Variants in FUT4 observed in about 807,000 individuals in gnomAD.
The protein encoded by FUT4 is fucosyltransferase 4, also known as alpha-(1,3)-fucosyltransferase 4.
In FUT4, 1 loss-of-function variant was observed where a neutral mutation model predicts 3.8. That is an observed-to-expected ratio of 0.26 (90% CI 0.09 to 1.25). FUT4 has a LOEUF of 1.25. FUT4 is among the 50% of genes most tolerant of loss of function. FUT4 has a pLI of 0.47. For missense variants in FUT4, 880 were observed against 768.2 expected (o/e 1.15, Z -1.72); for synonymous variants, 417 against 355.3 (o/e 1.17, Z -1.95).
Position 94,545,467 on chromosome 11 carries a change from C to T in FUT4, c.1334C>T (p.Ala445Val). 2.5e-6 allele frequency: 4 copies of T among 1,613,436 alleles called. No homozygotes were observed. The highest frequency in any genetic ancestry group is 3.4e-6 in the Non-Finnish European group (4 of 1,179,840). The change falls in exon 1 of 1, where the codon GCC (alanine) becomes GTC (valine). Residue 445 changes from alanine (A) to valine (V), a missense_variant. Around this residue, in one of 3 missense-constraint regions of FUT4, gnomAD observed 424 missense variants for 400.4 expected, o/e 1.06. Transcript: ENST00000358752. Reference sequence around the variant, plus strand: ...CCGGTGGTGCTGGGCCCAGACCGTGCCAACTACGAGCGCTTTGTGCCCCGC... The same window carrying T: ...CCGGTGGTGCTGGGCCCAGACCGTGTCAACTACGAGCGCTTTGTGCCCCGC... ...AVPVVLGPDRANYERFVPRGA... is the reference protein window; with the variant it reads ...AVPVVLGPDRVNYERFVPRGA...
rs1422655789 is a variant in FUT4, at chr11:94,547,673, C to A, written c.*1947C>A. ...ACCGAATAAAGATAAAAGTTCAGTTCTTAAAATGAGTTTTTATGAGATAAC... is the reference window on the plus strand; with the variant it reads ...ACCGAATAAAGATAAAAGTTCAGTTATTAAAATGAGTTTTTATGAGATAAC... On this transcript the variant is annotated 3_prime_UTR_variant, in exon 1 of 1. Transcript: ENST00000358752. 1 of 167,016 alleles carries A rather than the reference C, an allele frequency of 6.0e-6. No individual in the cohort carries two copies. Among genetic ancestry groups the A allele is most frequent in the East Asian group, 1.9e-4 (1 of 5,204 alleles). The allele number at this position is 167,016 out of a possible 1,614,324, so 10.3% of individuals were successfully genotyped here.
chr11:94,545,730 C>G lies in FUT4; in HGVS notation c.*4C>G. On this transcript the variant is annotated 3_prime_UTR_variant, in exon 1 of 1. Coordinates refer to ENST00000358752, the MANE Select transcript of FUT4 (RefSeq NM_002033.4). ...GGCCAGCTGGTTCGAGCGGTGAAGCCGCGCTCCCCTGGAAGCGACCCAGGG... is the reference window on the plus strand; with the variant it reads ...GGCCAGCTGGTTCGAGCGGTGAAGCGGCGCTCCCCTGGAAGCGACCCAGGG... 6.2e-7 allele frequency: 1 copy of G among 1,609,326 alleles called. No individual in the cohort carries two copies. Among genetic ancestry groups the G allele is most frequent in the Non-Finnish European group, 8.5e-7 (1 of 1,178,564 alleles).
At position 94,545,099 on chromosome 11, in the gene FUT4, G is replaced by A. The variant is rs1285560976; in HGVS notation, c.966G>A (p.Ala322=). ...NLFNWTLSYR[A]DSDVFVPYGY... ...TCAACTGGACGCTCTCCTACCGGGCGGACTCGGACGTCTTTGTGCCTTATG... is the reference window on the plus strand; with the variant it reads ...TCAACTGGACGCTCTCCTACCGGGCAGACTCGGACGTCTTTGTGCCTTATG... Residue 322 remains alanine (A), a synonymous_variant, in exon 1 of 1, where the codon GCG becomes GCA. Transcript: ENST00000358752. 4.3e-6 allele frequency: 7 copies of A among 1,612,668 alleles called. 1 individual carries two copies. In the African/African-American group the frequency reaches 6.7e-5, roughly 15 times the overall value.
At position 94,546,110 on chromosome 11, in the gene FUT4, C is replaced by G. The variant is rs945824938; in HGVS notation, c.*384C>G. The G allele has an allele frequency of 5.4e-6, 2 of 371,736 alleles. No homozygotes were observed. The highest frequency in any genetic ancestry group is 4.2e-5 in the African/African-American group (2 of 47,084). The allele number at this position is 371,736 out of a possible 1,614,324, so 23.0% of individuals were successfully genotyped here. ...TGTGGCCCGTGCAGCTTCCAAATCTCATACACAACTGTTCCCGATTCACGT... is the reference window on the plus strand; with the variant it reads ...TGTGGCCCGTGCAGCTTCCAAATCTGATACACAACTGTTCCCGATTCACGT... On this transcript the variant is annotated 3_prime_UTR_variant, in exon 1 of 1. Coordinates refer to ENST00000358752, the MANE Select transcript of FUT4 (RefSeq NM_002033.4).
chr11:94,544,769 G>T lies in FUT4; in HGVS notation c.636G>T (p.Arg212=). ...CCCCGAGGCCGCCCCCTGACTGCCGGCTGCGCTTCAACATCAGCGGCTGCC... is the reference window on the plus strand; with the variant it reads ...CCCCGAGGCCGCCCCCTGACTGCCGTCTGCGCTTCAACATCAGCGGCTGCC... The part of the protein sequence containing the change: ...DSAPRPPPDC[R]LRFNISGCRL... Residue 212 remains arginine (R), a synonymous_variant, in exon 1 of 1, where the codon CGG becomes CGT. Transcript: ENST00000358752. 6.3e-7 allele frequency: 1 copy of T among 1,580,326 alleles called. No individual in the cohort carries two copies. The highest frequency in any genetic ancestry group is 1.1e-5 in the South Asian group (1 of 88,506).
In FUT4 at chr11:94,544,646, C is replaced by G. The variant is rs949505605; in HGVS notation, c.513C>G (p.Cys171Trp). 59 of 1,511,536 alleles carry G rather than the reference C, an allele frequency of 3.9e-5. No homozygotes were observed. Among genetic ancestry groups the G allele is most frequent in the Non-Finnish European group, 4.9e-5 (56 of 1,143,754 alleles). The allele number at this position is 1,511,536 out of a possible 1,614,324, so 93.6% of individuals were successfully genotyped here. ...GTACGGCGCTGATCACCTACGCTTG[C>G]TGGGGGCAGCTGCCGCCGCTGCCCT... ...LTCTALITYA[C>W]WGQLPPLPWA... The change falls in exon 1 of 1, where the codon TGC becomes TGG. Residue 171 changes from cysteine to tryptophan, a missense_variant. Cys to Trp is a radical substitution (Grantham distance 215, BLOSUM62 -2). Coordinates refer to ENST00000358752, the MANE Select transcript of FUT4 (RefSeq NM_002033.4).
Position 94,544,368 on chromosome 11 carries a change from T to C in FUT4, c.235T>C (p.Ser79Pro). 1 of 1,545,464 alleles carries C rather than the reference T, an allele frequency of 6.5e-7. No homozygotes were observed. The highest frequency in any genetic ancestry group is 2.1e-4 in the Middle Eastern group (1 of 4,658). Reference protein sequence around the residue: ...GAGQGPRPLHSGTAPFHSRAS... With the variant: ...GAGQGPRPLHPGTAPFHSRAS... ...AGGGCAGGGCCCGCGGCCTTTGCAT[T>C]CTGGGACCGCCCCCTTCCATTCCCG... The change falls in exon 1 of 1, where the codon TCT (serine) becomes CCT (proline). Residue 79 changes from serine to proline, a missense_variant. By Grantham distance (74) the Ser-to-Pro change is moderately conservative. This residue lies in a region of FUT4 where 447 missense variants were observed against 339.5 expected (regional missense o/e 1.32). Transcript: ENST00000358752.
rs1032596487 is a variant in FUT4, at chr11:94,547,800, A to G, written c.*2074A>G. ...TAGATTTGAATTCCAGCTATGTGAC[A>G]TTGGGTAAATTAGTAGTAGTCCTGA... On this transcript the variant is annotated 3_prime_UTR_variant, in exon 1 of 1. Coordinates refer to ENST00000358752, the MANE Select transcript of FUT4 (RefSeq NM_002033.4). 1.2e-5 allele frequency: 2 copies of G among 167,224 alleles called. No homozygotes were observed. Among genetic ancestry groups the G allele is most frequent in the East Asian group, 3.9e-4 (2 of 5,190 alleles). 10.4% of individuals were successfully genotyped at this position (167,224 alleles called of 1,614,324 possible).
chr11:94,544,298 T>G lies in FUT4; in HGVS notation c.165T>G (p.Ala55=). The G allele has an allele frequency of 1.3e-6, 2 of 1,563,098 alleles. No homozygotes were observed. The highest frequency in any genetic ancestry group is 1.7e-6 in the Non-Finnish European group (2 of 1,160,186). The part of the protein sequence containing the change: ...RAVPGWASWP[A]HLALAARPAR... ...TGCCCGGTTGGGCGTCCTGGCCAGC[T>G]CACCTTGCCCTGGCGGCTCGCCCCG... is the stretch of plus-strand genomic sequence containing the variant. The change falls in exon 1 of 1, where the codon GCT becomes GCG. Residue 55 remains alanine (A), a synonymous_variant. Transcript: ENST00000358752.
rs878874013 is a variant in FUT4 at position 94,548,716 on chromosome 11, A to G, written c.*2990A>G. ...ATATCGGTGCACTGTATGTATTTCA[A>G]AATGCCTTTCCTATGATTGTCATGT... On this transcript the variant is annotated 3_prime_UTR_variant, in exon 1 of 1. Transcript: ENST00000358752. 6.0e-6 allele frequency: 1 copy of G among 167,102 alleles called. No individual in the cohort carries two copies. Among genetic ancestry groups the G allele is most frequent in the Admixed American group, 6.5e-5 (1 of 15,282 alleles). 10.4% of individuals were successfully genotyped at this position (167,102 alleles called of 1,614,324 possible).
chr11:94,548,180 G>C lies in FUT4; in HGVS notation c.*2454G>C, dbSNP rs1008385216. 6.1e-6 allele frequency: 1 copy of C among 165,166 alleles called. No homozygotes were observed. Among genetic ancestry groups the C allele is most frequent in the African/African-American group, 2.4e-5 (1 of 40,936 alleles). The allele number at this position is 165,166 out of a possible 1,614,324, so 10.2% of individuals were successfully genotyped here. On this transcript the variant is annotated 3_prime_UTR_variant, in exon 1 of 1. Coordinates refer to ENST00000358752, the MANE Select transcript of FUT4 (RefSeq NM_002033.4). ...CTATTATTTTACCAATTTTTTTTTA[G>C]TATTAAGTCCATTTAGAACTAACCA... is the stretch of plus-strand genomic sequence containing the variant.
Position 94,544,398 on chromosome 11 carries a change from A to T in FUT4, c.265A>T (p.Ser89Cys), listed in dbSNP as rs765350871. Reference sequence around the variant, plus strand: ...GACCGCCCCCTTCCATTCCCGGGCCAGCGGCGAGCGGCAGCGACGGCTGGA... The same window carrying T: ...GACCGCCCCCTTCCATTCCCGGGCCTGCGGCGAGCGGCAGCGACGGCTGGA... ...SGTAPFHSRA[S>C]GERQRRLEPQ... Residue 89 changes from serine (S) to cysteine (C), a missense_variant, in exon 1 of 1, where the codon AGC becomes TGC. Around this residue, in one of 3 missense-constraint regions of FUT4, gnomAD observed 447 missense variants for 339.5 expected, o/e 1.32. Transcript: ENST00000358752. 6.5e-5 allele frequency: 100 copies of T among 1,533,526 alleles called. No individual in the cohort carries two copies. Among genetic ancestry groups the T allele is most frequent in the Non-Finnish European group, 8.1e-5 (93 of 1,148,178 alleles). 95.0% of individuals were successfully genotyped at this position (1,533,526 alleles called of 1,614,324 possible).
chr11:94,545,845 C>T lies in FUT4; in HGVS notation c.*119C>T. The T allele has an allele frequency of 1.6e-6, 2 of 1,255,822 alleles. No individual in the cohort carries two copies. Among genetic ancestry groups the T allele is most frequent in the Non-Finnish European group, 2.3e-6 (2 of 878,448 alleles). The allele number at this position is 1,255,822 out of a possible 1,614,324, so 77.8% of individuals were successfully genotyped here. A position where few individuals can be genotyped will look rare whatever the true frequency, so the allele number is the denominator to read the frequency against. ...TAAGTTCTTCAAACACCCATTTTTG[C>T]TCTATGGGAAAAAAACGATTTACCA... On this transcript the variant is annotated 3_prime_UTR_variant, in exon 1 of 1. Coordinates refer to ENST00000358752, the MANE Select transcript of FUT4 (RefSeq NM_002033.4).
At position 94,544,216 on chromosome 11, in the gene FUT4, C is replaced by A; in HGVS notation, c.83C>A (p.Pro28His). ...TGGGCGGAGGCGCCGCAGGAGGCTC[C>A]CGGGGCCTGGTCGGGCCGGCTGGGC... is the stretch of plus-strand genomic sequence containing the variant. The part of the protein sequence containing the change: ...KEWAEAPQEA[P>H]GAWSGRLGPG... The change falls in exon 1 of 1, where the codon CCC becomes CAC. Residue 28 changes from proline (P) to histidine (H), a missense_variant. Pro to His is a moderately conservative substitution (Grantham distance 77). Transcript: ENST00000358752. The A allele has an allele frequency of 6.9e-7, 1 of 1,444,224 alleles. No individual in the cohort carries two copies. Among genetic ancestry groups the A allele is most frequent in the East Asian group, 2.8e-5 (1 of 35,122 alleles). The allele number at this position is 1,444,224 out of a possible 1,614,324, so 89.5% of individuals were successfully genotyped here.
chr11:94,543,939 C>A lies in FUT4; in HGVS notation c.-195C>A. On this transcript the variant is annotated 5_prime_UTR_variant, in exon 1 of 1. Coordinates refer to ENST00000358752, the MANE Select transcript of FUT4 (RefSeq NM_002033.4). ...ATCCTCCGTTCCGCGGCGCCGGGTC[C>A]GCCTTCCGTCTGTTCTAGGGCCTGC... The A allele has an allele frequency of 1.3e-6, 1 of 756,456 alleles. No homozygotes were observed. The allele number at this position is 756,456 out of a possible 1,614,324, so 46.9% of individuals were successfully genotyped here. A position where few individuals can be genotyped will look rare whatever the true frequency, so the allele number is the denominator to read the frequency against.
At position 94,545,637 on chromosome 11, in the gene FUT4, G is replaced by T. The variant is rs201504879; in HGVS notation, c.1504G>T (p.Glu502Ter). The change falls in exon 1 of 1, where the codon GAG becomes TAG. Residue 502 changes from glutamate to a stop codon, truncating the protein, a stop_gained. Transcript: ENST00000358752. LOFTEE classifies it high-confidence loss of function. ...TGTCCACATCACCTCCTTCTGGGACGAGCCTTGGTGCCGGGTGTGCCAGGC... is the reference window on the plus strand; with the variant it reads ...TGTCCACATCACCTCCTTCTGGGACTAGCCTTGGTGCCGGGTGTGCCAGGC... ...YAVHITSFWD[E>*]PWCRVCQAVQ... The T allele has an allele frequency of 3.5e-5, 56 of 1,612,998 alleles. No individual in the cohort carries two copies. The highest frequency in any genetic ancestry group is 4.3e-5 in the Non-Finnish European group (51 of 1,180,038).
At position 94,545,616 on chromosome 11, in the gene FUT4, C is replaced by T. The variant is rs1363671565; in HGVS notation, c.1483C>T (p.His495Tyr). 1.2e-6 allele frequency: 2 copies of T among 1,613,358 alleles called. No homozygotes were observed. The highest frequency in any genetic ancestry group is 1.1e-5 in the South Asian group (1 of 91,088). ...YFHWRRSYAV[H>Y]ITSFWDEPWC... The stretch of plus-strand genomic sequence containing the variant: ...CCACTGGCGCCGGAGCTACGCTGTC[C>T]ACATCACCTCCTTCTGGGACGAGCC... The change falls in exon 1 of 1, where the codon CAC becomes TAC. Residue 495 changes from histidine to tyrosine, a missense_variant. Coordinates refer to ENST00000358752, the MANE Select transcript of FUT4 (RefSeq NM_002033.4).
chr11:94,549,017 T>TTA lies in FUT4; in HGVS notation c.*3292_*3293dup, dbSNP rs1947897511. ...AGCAAGTTACTTAAACTCTTGAGTTTTAGCTTTCTCCTTTACAATGCATGA... is the reference window on the plus strand; with the variant it reads ...AGCAAGTTACTTAAACTCTTGAGTTTTATAGCTTTCTCCTTTACAATGCATGA... On this transcript the variant is annotated 3_prime_UTR_variant, in exon 1 of 1. Transcript: ENST00000358752. The TTA allele has an allele frequency of 6.0e-6, 1 of 167,060 alleles. No homozygotes were observed. Among genetic ancestry groups the TTA allele is most frequent in the Non-Finnish European group, 1.5e-5 (1 of 68,122 alleles). 10.3% of individuals were successfully genotyped at this position (167,060 alleles called of 1,614,324 possible). A position where few individuals can be genotyped will look rare whatever the true frequency, so the allele number is the denominator to read the frequency against.
chr11:94,544,007 C>A lies in FUT4; in HGVS notation c.-127C>A. The A allele has an allele frequency of 7.8e-7, 1 of 1,282,386 alleles. No homozygotes were observed. The highest frequency in any genetic ancestry group is 1.0e-6 in the Non-Finnish European group (1 of 1,000,274). The allele number at this position is 1,282,386 out of a possible 1,614,324, so 79.4% of individuals were successfully genotyped here. On this transcript the variant is annotated 5_prime_UTR_variant, in exon 1 of 1. Coordinates refer to ENST00000358752, the MANE Select transcript of FUT4 (RefSeq NM_002033.4). ...TTTAGAAGGTCTCGAGCCTCCTGTA[C>A]CTTCCCAGGGATGAACCGGGCCTTC... is the stretch of plus-strand genomic sequence containing the variant.
Sources: gnomAD v4.1 joint callset for allele counts on GRCh38, gnomAD v4.1.1 for gene constraint, gnomAD v4.1.1 regional missense constraint, MANE v1.5 for transcripts, NCBI Gene and HGNC (gene_info 2026-07-23, HGNC 2026-07-21) for gene names.